KATNAL2: variants seen among roughly 807,000 people sequenced by gnomAD.
KATNAL2 encodes katanin p60 ATPase-containing subunit A-like 2.
In KATNAL2, 52 loss-of-function variants were observed where a neutral mutation model predicts 76.3. That is an observed-to-expected ratio of 0.68 (90% CI 0.55 to 0.86). The LOEUF (loss-of-function observed/expected upper bound fraction) is 0.86, where lower values mean the gene tolerates loss of function less well. Among genes scored for constraint, KATNAL2 ranks in the 40% least tolerant of loss-of-function variants. The pLI, the probability that KATNAL2 is intolerant of heterozygous loss-of-function variation, is 0.00. For missense variants in KATNAL2, 660 were observed against 668.9 expected (o/e 0.99, Z 0.15); for synonymous variants, 243 against 244.2 (o/e 1.00, Z 0.05).
intron 1 of KATNAL2, among the ~76,000 whole-genome samples, chr18:46,945,334 A>T (rs972355948): frequency 2.6e-5 from 4 of 152,248 alleles, no homozygotes; most frequent in African/African-American, 9.6e-5. Context: ...GGTTAAGTAT[A>T]GTGATTGTTA....
intron 3 of KATNAL2, among the ~76,000 whole-genome samples, chr18:46,952,889 TC>T (rs2059608433): frequency 1.6e-5 from 2 of 126,310 alleles, no homozygotes; most frequent in Admixed American, 8.1e-5. Flanking sequence ...CTTCCTTCCT[TC>T]TTTTTTTTTT....
At chr18:46,929,749 T>G (rs1454252793) in intron 1 of KATNAL2, among the ~76,000 whole-genome samples, 14 of 152,176 alleles carry the variant, frequency 9.2e-5, no homozygotes, top group African/African-American at 3.4e-4. Flanking sequence ...TGCTGGAACA[T>G]AGAGAAGAAG....
intron 6 of KATNAL2, among the ~76,000 whole-genome samples, chr18:47,057,602 C>G (rs1468962682): frequency 6.6e-6 from 1 of 152,176 alleles, no homozygotes; most frequent in Admixed American, 6.5e-5. Flanking sequence ...ACTTCCAGCC[C>G]CATCAGTTTG....
chr18:46,942,970 A>G (rs78764602), intron 1 of KATNAL2, among the ~76,000 whole-genome samples: 3,432 of 151,868 alleles, frequency 0.023, 108 homozygotes, highest in Non-Finnish European at 0.031. Flanking sequence ...TTGCAGATCA[A>G]CTCTATCCTT....
intron 3 of KATNAL2, among the ~76,000 whole-genome samples, chr18:47,042,246 T>G (rs894305693): frequency 6.6e-5 from 10 of 152,224 alleles, no homozygotes; most frequent in Admixed American, 1.3e-4. Flanking sequence ...TTTTATTTAT[T>G]TTAGACTAAA....
chr18:46,961,629 C>G (rs1178918969), intron 3 of KATNAL2, among the ~76,000 whole-genome samples: 1 of 152,202 alleles, frequency 6.6e-6, no homozygotes, highest in Non-Finnish European at 1.5e-5. Flanking sequence ...TCTGCCAAAC[C>G]TATACAGGCA....
chr18:47,051,453 A>G (rs1441601038), intron 4 of KATNAL2, among the ~76,000 whole-genome samples: 2 of 151,722 alleles, frequency 1.3e-5, no homozygotes, highest in African/African-American at 4.8e-5. Context: ...AAGGTTAAAA[A>G]AAGTTTGTAA....
intron 1 of KATNAL2, among the ~76,000 whole-genome samples, chr18:46,930,433 CT>C (rs2058870562): frequency 1.3e-5 from 2 of 152,154 alleles, no homozygotes; most frequent in African/African-American, 4.8e-5. Flanking sequence ...TTCAAGATAT[CT>C]TTTTGACATA....
rs1161903395 is a variant in KATNAL2 at position 46,957,553 on chromosome 18, C to CCTTTTTTT, written c.51+10630_51+10631insCTTTTTTT. ...ACAGGCGTGAACCACCGCGCCTGGC[C>CCTTTTTTT]TTTTTTTTTTTTTTTTTTTTTTTTT... is the stretch of plus-strand genomic sequence containing the variant. On this transcript the variant is annotated intron_variant, in intron 3 of 17. Transcript: ENST00000683218. Among the ~76,000 whole-genome samples, 3 of 60,512 alleles carry CCTTTTTTT rather than the reference C, an allele frequency of 5.0e-5. 1 individual carries two copies. The highest frequency in any genetic ancestry group is 2.0e-4 in the African/African-American group (3 of 15,076). 39.7% of individuals were successfully genotyped at this position (60,512 alleles called of 152,430 possible).
At chr18:47,098,281 TG>T in intron 15 of KATNAL2, 1 of 317,166 alleles carries the variant, frequency 3.2e-6, no homozygotes, top group South Asian at 2.5e-5. Flanking sequence ...TATCCAAGAC[TG>T]GGAAGAAAAA....
rs116614555 is a variant in KATNAL2 at position 46,942,635 on chromosome 18, C to G, written c.-509-3422C>G. 6.5e-3 allele frequency among the ~76,000 whole-genome samples: 982 copies of G among 150,366 alleles called. 8 individuals carry two copies. Among genetic ancestry groups the G allele is most frequent in the African/African-American group, 0.021 (856 of 40,762 alleles). ...ACTCCATCTCAAACAAACAAACAAACAAAAGTTCATTTTGTTCTATTATAA... is the reference window on the plus strand; with the variant it reads ...ACTCCATCTCAAACAAACAAACAAAGAAAAGTTCATTTTGTTCTATTATAA... On this transcript the variant is annotated intron_variant, in intron 1 of 17. Transcript: ENST00000683218.
chr18:46,917,727 G>T lies in KATNAL2; in HGVS notation c.-709G>T. Reference sequence around the variant, plus strand: ...GCCCCTGCGGACTGCCTAGAGCTGGGTCGCAACTGAGGCGTTATCCGCGGG... The same window carrying T: ...GCCCCTGCGGACTGCCTAGAGCTGGTTCGCAACTGAGGCGTTATCCGCGGG... On this transcript the variant is annotated 5_prime_UTR_variant, in exon 1 of 18. Coordinates refer to ENST00000683218, the MANE Select transcript of KATNAL2 (RefSeq NM_001387690.1). 1 of 252,200 alleles carries T rather than the reference G, an allele frequency of 4.0e-6. No individual in the cohort carries two copies. Among genetic ancestry groups the T allele is most frequent in the Non-Finnish European group, 6.3e-6 (1 of 159,042 alleles). 15.6% of individuals were successfully genotyped at this position (252,200 alleles called of 1,614,324 possible).
intron 3 of KATNAL2, among the ~76,000 whole-genome samples, chr18:47,045,598 C>T (rs115995165): frequency 0.079 from 12,035 of 152,214 alleles, 615 homozygotes; most frequent in Non-Finnish European, 0.11. Flanking sequence ...GCTGGGATTA[C>T]AGGTATGAGC....
chr18:46,949,284 A>G (rs1669675854), intron 3 of KATNAL2, among the ~76,000 whole-genome samples: 1 of 151,020 alleles, frequency 6.6e-6, no homozygotes, highest in South Asian at 2.1e-4. Flanking sequence ...ACAGGGTCTT[A>G]TTCTGTCACC....
intron 3 of KATNAL2, among the ~76,000 whole-genome samples, chr18:46,960,190 A>C (rs2059893689): frequency 6.6e-6 from 1 of 152,204 alleles, no homozygotes; most frequent in Non-Finnish European, 1.5e-5. Context: ...TAATCCCAGC[A>C]CTTTGGGAGG....
At chr18:46,932,223 T>G (rs898191578) in intron 1 of KATNAL2, among the ~76,000 whole-genome samples, 4 of 151,980 alleles carry the variant, frequency 2.6e-5, no homozygotes, top group Non-Finnish European at 4.4e-5. Context: ...CTAGCAAGAA[T>G]TTTCAAGAAA....
intron 8 of KATNAL2, among the ~76,000 whole-genome samples, chr18:47,060,949 T>C (rs1204666800): frequency 1.3e-5 from 2 of 152,248 alleles, no homozygotes; most frequent in African/African-American, 2.4e-5. Flanking sequence ...CACATTGAAA[T>C]GAATGGATGT....
intron 3 of KATNAL2, among the ~76,000 whole-genome samples, chr18:47,031,862 C>A (rs899761053): frequency 6.6e-6 from 1 of 152,124 alleles, no homozygotes; most frequent in African/African-American, 2.4e-5. Flanking sequence ...AATGCAGTAT[C>A]CCTTTGTCTC....
At chr18:47,032,029 C>T (rs544140856) in intron 3 of KATNAL2, among the ~76,000 whole-genome samples, 16 of 152,266 alleles carry the variant, frequency 1.1e-4, no homozygotes, top group African/African-American at 2.6e-4. Flanking sequence ...GTAGTTAACC[C>T]GGTCCTTTCA....
Sources: gnomAD v4.1 joint callset for allele counts (sites outside exome capture counted in the v4.1 genomes callset) on GRCh38, gnomAD v4.1.1 for gene constraint, MANE v1.5 for transcripts, NCBI Gene and HGNC (gene_info 2026-07-23, HGNC 2026-07-21) for gene names.